TGFBR2: variants seen among roughly 807,000 people sequenced by gnomAD.
TGFBR2 encodes the protein TGF-beta receptor type-2.
Under a neutral mutation model 49.0 loss-of-function variants are expected in TGFBR2, and 18 were observed. The observed-to-expected ratio is 0.37, with a 90% CI of 0.25 to 0.54. The LOEUF (loss-of-function observed/expected upper bound fraction) is 0.54. Among genes scored for constraint, TGFBR2 ranks in the 20% least tolerant of loss-of-function variants. The probability of loss-of-function intolerance (pLI) is 0.85; values close to 1 mark genes in which losing one functional copy is unlikely to be tolerated. For missense variants in TGFBR2, 525 were observed against 722.6 expected, an observed-to-expected ratio of 0.73 and a Z score of 3.13; for synonymous variants, 282 against 275.9, an observed-to-expected ratio of 1.02 and a Z score of -0.22.
At chr3:30,613,089 G>A (rs1575128892) in intron 1 of TGFBR2, among the ~76,000 whole-genome samples, 1 of 150,324 alleles carries the variant, frequency 6.7e-6, no homozygotes, top group African/African-American at 2.4e-5. Flanking sequence ...CCGTACCTAT[G>A]ACTGGGGAGA....
chr3:30,678,612 G>GCAAGT (rs1297072081), intron 5 of TGFBR2, among the ~76,000 whole-genome samples: 1 of 151,388 alleles, frequency 6.6e-6, no homozygotes, highest in Non-Finnish European at 1.5e-5. Flanking sequence ...ATGATGGGAT[G>GCAAGT]CAAGTCTCCA....
intron 5 of TGFBR2, among the ~76,000 whole-genome samples, chr3:30,683,905 C>G (rs1238162797): frequency 6.6e-6 from 1 of 152,206 alleles, no homozygotes; most frequent in African/African-American, 2.4e-5. Flanking sequence ...TTGGTACCCA[C>G]CTGGCTGGCA....
chr3:30,690,761 A>G (rs1699695631), intron 6 of TGFBR2, among the ~76,000 whole-genome samples: 1 of 152,186 alleles, frequency 6.6e-6, no homozygotes, highest in African/African-American at 2.4e-5. Context: ...GAATGCAGGG[A>G]ATTTGAGGGG....
intron 1 of TGFBR2, chr3:30,623,243 T>A: frequency 6.2e-7 from 1 of 1,613,326 alleles, no homozygotes; most frequent in Non-Finnish European, 8.5e-7. Context: ...CTGCCCCAGC[T>A]GTAATAGGAC....
Position 30,692,751 on chromosome 3 carries a change from T to G in TGFBR2, c.*1152T>G. The G allele has an allele frequency of 4.3e-6, 1 of 233,252 alleles. No individual in the cohort carries two copies. The highest frequency in any genetic ancestry group is 8.5e-6 in the Non-Finnish European group (1 of 117,942). 14.4% of individuals were successfully genotyped at this position (233,252 alleles called of 1,614,324 possible). On this transcript the variant is annotated 3_prime_UTR_variant, in exon 7 of 7. Transcript: ENST00000295754. Reference sequence around the variant, plus strand: ...TTGTCAGGACTATGACCTCAGGCACTCTAAACATATGTTTTGTTTGGTCAG... The same window carrying G: ...TTGTCAGGACTATGACCTCAGGCACGCTAAACATATGTTTTGTTTGGTCAG...
intron 6 of TGFBR2, 148 bp downstream of exon 6, chr3:30,688,659 C>A: frequency 8.9e-7 from 1 of 1,123,492 alleles, no homozygotes; most frequent in Non-Finnish European, 1.3e-6. Context: ...AAGCAAATTT[C>A]AATACAGTGG....
intron 1 of TGFBR2, among the ~76,000 whole-genome samples, chr3:30,612,328 G>A (rs1698045074): frequency 6.6e-6 from 1 of 152,180 alleles, no homozygotes; most frequent in Admixed American, 6.5e-5. Flanking sequence ...ATGTATGAGT[G>A]TGTGGCCCAA....
chr3:30,622,443 A>G (rs1559448927), intron 1 of TGFBR2, among the ~76,000 whole-genome samples: 1 of 152,336 alleles, frequency 6.6e-6, no homozygotes, highest in East Asian at 1.9e-4. Flanking sequence ...TGATTTTGTG[A>G]ACATTTCTGC....
chr3:30,641,656 AGCATGT>A (rs1698648003), intron 1 of TGFBR2, among the ~76,000 whole-genome samples: 1 of 152,178 alleles, frequency 6.6e-6, no homozygotes, highest in Non-Finnish European at 1.5e-5. Flanking sequence ...GTGGGTGCTC[AGCATGT>A]GCAAATTCTT....
intron 3 of TGFBR2, among the ~76,000 whole-genome samples, chr3:30,656,912 C>T (rs758592683): frequency 6.6e-6 from 1 of 152,208 alleles, no homozygotes. Context: ...TAGTGATGAT[C>T]GCTGCCTTGG....
intron 1 of TGFBR2, among the ~76,000 whole-genome samples, chr3:30,625,248 A>G (rs187620046): frequency 2.8e-4 from 43 of 152,340 alleles, no homozygotes; most frequent in Non-Finnish European, 5.1e-4. Flanking sequence ...AAAGAAAAAT[A>G]TTAAAGATCC....
At chr3:30,645,043 G>A (rs1429987706) in intron 2 of TGFBR2, 128 bp downstream of exon 2, 3 of 872,338 alleles carry the variant, frequency 3.4e-6, no homozygotes, top group African/African-American at 1.7e-5. Context: ...CTTTCCTTTA[G>A]ACCATCTCTC....
At chr3:30,636,632 C>A (rs1346631890) in intron 1 of TGFBR2, among the ~76,000 whole-genome samples, 1 of 152,084 alleles carries the variant, frequency 6.6e-6, no homozygotes, top group East Asian at 1.9e-4. Context: ...AGTTTTCTAC[C>A]TATTTATTTT....
At chr3:30,642,106 C>T (rs1213542820) in intron 1 of TGFBR2, among the ~76,000 whole-genome samples, 1 of 152,186 alleles carries the variant, frequency 6.6e-6, no homozygotes, top group African/African-American at 2.4e-5. Flanking sequence ...TCTATCGCTG[C>T]TCACTCCTGT....
In TGFBR2 at chr3:30,660,274, C is replaced by T. The variant is rs78677721; in HGVS notation, c.454+9814C>T. ...TTCATTTTCCAGGCCCCATCCTATT[C>T]GAAATACCTGTTTCTTCCACCAGGC... On this transcript the variant is annotated intron_variant, in intron 3 of 6. Transcript: ENST00000295754. Among the ~76,000 whole-genome samples, 439 of 152,218 alleles carry T rather than the reference C, an allele frequency of 2.9e-3. 3 individuals are homozygous for T. Among genetic ancestry groups the T allele is most frequent in the African/African-American group, 0.01 (420 of 41,528 alleles).
At chr3:30,625,179 G>A (rs959006409) in intron 1 of TGFBR2, among the ~76,000 whole-genome samples, 23 of 152,050 alleles carry the variant, frequency 1.5e-4, no homozygotes, top group African/African-American at 5.1e-4. Flanking sequence ...TAAAAATAGT[G>A]TTTCTTCAGA....
At chr3:30,685,382 G>C (rs189643679) in intron 5 of TGFBR2, among the ~76,000 whole-genome samples, 198 of 152,364 alleles carry the variant, frequency 1.3e-3, no homozygotes, top group South Asian at 9.3e-3. Flanking sequence ...CAAAGGCCTA[G>C]GGAGAGAGGA....
At chr3:30,644,128 A>G (rs73823655) in intron 1 of TGFBR2, among the ~76,000 whole-genome samples, 5,667 of 152,280 alleles carry the variant, frequency 0.037, 121 homozygotes, top group Non-Finnish European at 0.045. Context: ...ACAGAGAGAG[A>G]TCAGTAGAAC....
chr3:30,649,305 G>A (rs1698835577), intron 2 of TGFBR2, among the ~76,000 whole-genome samples: 1 of 152,168 alleles, frequency 6.6e-6, no homozygotes, highest in South Asian at 2.1e-4. Flanking sequence ...GGAGCAGAGG[G>A]AGGTAGATAG....
Sources: allele counts gnomAD v4.1 joint callset (sites outside exome capture counted in the v4.1 genomes callset), GRCh38; gene constraint gnomAD v4.1.1; transcripts MANE v1.5; gene names NCBI Gene and HGNC (gene_info 2026-07-23, HGNC 2026-07-21).